Variants in PPFIBP1 observed in about 807,000 individuals in gnomAD.
The protein encoded by PPFIBP1 is PPFIB scaffold protein 1.
In PPFIBP1, 112 loss-of-function variants were observed where a neutral mutation model predicts 137.8. That is an observed-to-expected ratio of 0.81 (90% CI 0.70 to 0.95). PPFIBP1 has a LOEUF of 0.95. Among genes scored for constraint, PPFIBP1 ranks in the 40% least tolerant of loss-of-function variants. The probability of loss-of-function intolerance (pLI) is 0.00; values close to 1 mark genes in which losing one functional copy is unlikely to be tolerated. For missense variants in PPFIBP1, 1,083 were observed against 1,196.6 expected (o/e 0.91, Z 1.40); for synonymous variants, 378 against 417.3 (o/e 0.91, Z 1.15).
chr12:27,692,127 C>T (rs2061583749), intron 28 of PPFIBP1, among the ~76,000 whole-genome samples, 199 bp downstream of exon 28: 1 of 152,118 alleles, frequency 6.6e-6, no homozygotes, highest in Admixed American at 6.5e-5. Flanking sequence ...TTATGGTAAC[C>T]TTAAGACATG....
At chr12:27,690,142 T>C (rs1335994507) in intron 27 of PPFIBP1, among the ~76,000 whole-genome samples, 3 of 151,810 alleles carry the variant, frequency 2.0e-5, no homozygotes, top group Admixed American at 1.3e-4. Context: ...TTGAAGAACA[T>C]GAGTTTGAAT....
rs774943021 is a variant in PPFIBP1, at chr12:27,646,008, C to T, written c.271-54C>T. On this transcript the variant is annotated intron_variant, in intron 4 of 29. Transcript: ENST00000228425. ...AACACTTGTGATTTTCATTTATCTA[C>T]GATATATCATTCTTAGAGAAGATCA... The T allele has an allele frequency of 6.1e-5, 78 of 1,289,028 alleles. 1 individual carries two copies. Among genetic ancestry groups the T allele is most frequent in the Admixed American group, 2.1e-4 (12 of 58,262 alleles). The allele number at this position is 1,289,028 out of a possible 1,614,324, so 79.8% of individuals were successfully genotyped here. A position where few individuals can be genotyped will look rare whatever the true frequency, so the allele number is the denominator to read the frequency against.
At chr12:27,566,317 A>G (rs61221357) in intron 1 of PPFIBP1, among the ~76,000 whole-genome samples, 2,496 of 151,330 alleles carry the variant, frequency 0.016, 66 homozygotes, top group African/African-American at 0.057. Context: ...TCTCACTTGA[A>G]TGCTTCTTCC....
chr12:27,605,498 A>C (rs1483613791), intron 2 of PPFIBP1, among the ~76,000 whole-genome samples: 42 of 152,286 alleles, frequency 2.8e-4, no homozygotes, highest in Admixed American at 2.6e-3. Flanking sequence ...TTATTTTTCT[A>C]TAGGTAAATT....
At chr12:27,682,848 AT>A in intron 24 of PPFIBP1, 145 bp downstream of exon 24, 1 of 1,358,640 alleles carries the variant, frequency 7.4e-7, no homozygotes, top group Non-Finnish European at 9.9e-7. Flanking sequence ...TGGCAGGCAT[AT>A]TTCCCATGAG....
At chr12:27,551,684 G>A (rs1946797016) in intron 1 of PPFIBP1, among the ~76,000 whole-genome samples, 1 of 152,190 alleles carries the variant, frequency 6.6e-6, no homozygotes, top group African/African-American at 2.4e-5. Flanking sequence ...ACACTGGCCA[G>A]CCAAAGTCTC....
intron 2 of PPFIBP1, among the ~76,000 whole-genome samples, chr12:27,606,345 T>C (rs1363669052): frequency 6.6e-6 from 1 of 152,012 alleles, no homozygotes; most frequent in Non-Finnish European, 1.5e-5. Flanking sequence ...TGAGTTCTCA[T>C]GTACCCACTT....
intron 4 of PPFIBP1, among the ~76,000 whole-genome samples, chr12:27,638,866 T>C (rs2057890642): frequency 6.6e-6 from 1 of 151,192 alleles, no homozygotes; most frequent in Non-Finnish European, 1.5e-5. Flanking sequence ...AACAGACATA[T>C]AATTAAGGTT....
In PPFIBP1 at chr12:27,673,765, A is replaced by G; in HGVS notation, c.1320-2A>G. On this transcript the variant is annotated splice_acceptor_variant, in intron 15 of 29. Coordinates refer to ENST00000228425, the MANE Select transcript of PPFIBP1 (RefSeq NM_003622.4). LOFTEE classifies it high-confidence loss of function. ...ATTAATTGTTATTACTGTTATTTTT[A>G]GAACTTCAAGTCTGCAGAAGTCCAG... is the stretch of plus-strand genomic sequence containing the variant. 1 of 1,611,920 alleles carries G rather than the reference A, an allele frequency of 6.2e-7. No individual in the cohort carries two copies. The highest frequency in any genetic ancestry group is 8.5e-7 in the Non-Finnish European group (1 of 1,178,302).
intron 10 of PPFIBP1, among the ~76,000 whole-genome samples, chr12:27,659,250 C>T (rs79514437): frequency 0.029 from 4,363 of 152,170 alleles, 200 homozygotes; most frequent in African/African-American, 0.099. Flanking sequence ...TTTTGAAGTC[C>T]ACTATTTGTC....
intron 2 of PPFIBP1, among the ~76,000 whole-genome samples, chr12:27,631,669 C>T (rs2057278944): frequency 6.6e-6 from 1 of 152,156 alleles, no homozygotes; most frequent in Non-Finnish European, 1.5e-5. Flanking sequence ...TAGATTGTCT[C>T]ATACCTTCAT....
At chr12:27,614,788 G>A (rs555453665) in intron 2 of PPFIBP1, among the ~76,000 whole-genome samples, 79 of 152,276 alleles carry the variant, frequency 5.2e-4, no homozygotes, top group Non-Finnish European at 7.9e-4. Context: ...ACAAAGAATT[G>A]TTATATAACC....
In PPFIBP1 at chr12:27,647,628, A is replaced by G. The variant is rs117597683; in HGVS notation, c.358-101A>G. 1.2e-3 allele frequency: 802 copies of G among 694,172 alleles called. 9 individuals carry two copies. In the East Asian group the frequency reaches 0.017, roughly 15 times the overall value. 43.0% of individuals were successfully genotyped at this position (694,172 alleles called of 1,614,324 possible). On this transcript the variant is annotated intron_variant, in intron 5 of 29. Transcript: ENST00000228425. The stretch of plus-strand genomic sequence containing the variant: ...TTTTTTTTTCTTTATAACCGTATGA[A>G]TGGTAGGATCATTCCTTTTTTTGTT...
chr12:27,632,397 T>C (rs1056873087), intron 2 of PPFIBP1, among the ~76,000 whole-genome samples: 1 of 152,182 alleles, frequency 6.6e-6, no homozygotes, highest in African/African-American at 2.4e-5. Context: ...TTCGGGTCTA[T>C]TGGGAGAATC....
chr12:27,691,166 C>T (rs953394796), intron 27 of PPFIBP1, among the ~76,000 whole-genome samples: 3 of 149,586 alleles, frequency 2.0e-5, no homozygotes, highest in African/African-American at 7.4e-5. Context: ...ATAATTATAG[C>T]CTCACCCAAA....
At chr12:27,637,108 A>G (rs2057734400) in intron 4 of PPFIBP1, 1 of 152,158 alleles carries the variant, frequency 6.6e-6, no homozygotes, top group Non-Finnish European at 1.5e-5. Context: ...TGTTCTTAGC[A>G]TTCACCATTT....
At chr12:27,665,710 T>C (rs984235646) in intron 12 of PPFIBP1, among the ~76,000 whole-genome samples, 3 of 152,232 alleles carry the variant, frequency 2.0e-5, no homozygotes, top group African/African-American at 7.2e-5. Context: ...ACAATTCTTT[T>C]GGAAGGTCCC....
chr12:27,617,102 C>T (rs1189682777), intron 2 of PPFIBP1, among the ~76,000 whole-genome samples: 7 of 151,990 alleles, frequency 4.6e-5, no homozygotes, highest in Non-Finnish European at 7.4e-5. Flanking sequence ...TATTCTTTAA[C>T]GGAGGGCAGG....
chr12:27,690,130 C>A (rs2061441772), intron 27 of PPFIBP1, among the ~76,000 whole-genome samples: 1 of 151,742 alleles, frequency 6.6e-6, no homozygotes, highest in African/African-American at 2.4e-5. Flanking sequence ...AACAGTTGAC[C>A]CTTGAAGAAC....
Sources: allele counts gnomAD v4.1 joint callset (sites outside exome capture counted in the v4.1 genomes callset), GRCh38; gene constraint gnomAD v4.1.1; transcripts MANE v1.5; gene names NCBI Gene and HGNC (gene_info 2026-07-23, HGNC 2026-07-21).